The following ACSF3 variants were observed in gnomAD, a reference collection of about 807,000 sequenced individuals.
ACSF3 encodes malonate--CoA ligase ACSF3, mitochondrial.
A neutral mutation model predicts 53.2 loss-of-function variants in ACSF3; 78 were observed. That is an observed-to-expected ratio of 1.47 (90% CI 1.22 to 1.77). ACSF3 has a LOEUF of 1.77. ACSF3 is among the 40% of genes most tolerant of loss of function. The probability of loss-of-function intolerance (pLI) is 0.00; values close to 1 mark genes in which losing one functional copy is unlikely to be tolerated. For missense variants in ACSF3, 937 were observed against 771.1 expected (o/e 1.22, Z -2.55); for synonymous variants, 414 against 333.1 (o/e 1.24, Z -2.65).
intron 4 of ACSF3, among the ~76,000 whole-genome samples, chr16:89,108,049 A>G (rs1300677875): frequency 1.3e-5 from 2 of 152,190 alleles, no homozygotes; most frequent in Admixed American, 6.5e-5. Context: ...GGAAGAAGCA[A>G]AAGCGGAAAC....
intron 6 of ACSF3, 60 bp downstream of exon 6, chr16:89,114,547 G>A: frequency 6.2e-7 from 1 of 1,600,392 alleles, no homozygotes; most frequent in Non-Finnish European, 8.5e-7. Flanking sequence ...CCCCAAGGTG[G>A]GCCAGTCTCG....
chr16:89,130,756 A>C (rs370838232), intron 7 of ACSF3, among the ~76,000 whole-genome samples: 147 of 152,220 alleles, frequency 9.7e-4, no homozygotes, highest in African/African-American at 3.1e-3. Context: ...TTTAGTTTAT[A>C]GGCTTATGTT....
intron 10 of ACSF3, among the ~76,000 whole-genome samples, 178 bp downstream of exon 10, chr16:89,146,227 G>C (rs549715467): frequency 6.6e-6 from 1 of 152,326 alleles, no homozygotes; most frequent in East Asian, 1.9e-4. Flanking sequence ...GACGAGGGCA[G>C]GGGGCAGGAG....
At chr16:89,125,299 C>T (rs4782436) in intron 7 of ACSF3, among the ~76,000 whole-genome samples, 134,940 of 150,954 alleles carry the variant, frequency 0.89, 60,699 homozygotes, top group Admixed American at 0.93. Context: ...GCCGAGATCA[C>T]GCCACTGCAC....
chr16:89,143,195 GCCGTGCGTAGCTTTGGTGCAGTCTCAGCC>G (rs879506700), intron 8 of ACSF3, among the ~76,000 whole-genome samples: 143 of 152,314 alleles, frequency 9.4e-4, no homozygotes, highest in Non-Finnish European at 1.6e-3. Context: ...CATCCTCAGT[GCCGTGCGTAGCTTTGGTGCAGTCTCAGCC>G]CCGTGCGTAG....
chr16:89,124,599 T>C (rs559563171), intron 7 of ACSF3, among the ~76,000 whole-genome samples: 265 of 152,234 alleles, frequency 1.7e-3, no homozygotes, highest in African/African-American at 5.6e-3. Flanking sequence ...GTGATACCCA[T>C]GCATGCACTG....
intron 10 of ACSF3, chr16:89,150,021 A>G (rs993149509): frequency 2.0e-5 from 3 of 152,266 alleles, no homozygotes; most frequent in African/African-American, 4.8e-5. Flanking sequence ...TCCACAGGCT[A>G]TAAGGAAGCA....
intron 2 of ACSF3, 58 bp downstream of exon 2, chr16:89,098,821 T>G: frequency 2.2e-6 from 1 of 454,006 alleles, no homozygotes; most frequent in Non-Finnish European, 4.4e-6. Flanking sequence ...GTTGCCTTGT[T>G]TGTTTACTGA....
chr16:89,151,608 TATA>T (rs1307991534), intron 10 of ACSF3: 3 of 134,450 alleles, frequency 2.2e-5, no homozygotes, highest in Non-Finnish European at 3.0e-5. Flanking sequence ...TAATTCACCA[TATA>T]TTTTTTTTTT....
chr16:89,155,784 C>G lies in ACSF3; in HGVS notation c.*1577C>G. The stretch of plus-strand genomic sequence containing the variant: ...ACTAATTTTACATTTGCATCTCTCT[C>G]CTTTAATCCTGAAACTTTTGATTCC... On this transcript the variant is annotated 3_prime_UTR_variant, in exon 11 of 11. Transcript: ENST00000614302. 1 of 448,842 alleles carries G rather than the reference C, an allele frequency of 2.2e-6. No individual in the cohort carries two copies. The highest frequency in any genetic ancestry group is 1.6e-5 in the South Asian group (1 of 62,000). 27.8% of individuals were successfully genotyped at this position (448,842 alleles called of 1,614,324 possible).
chr16:89,108,237 A>C (rs1466682422), intron 4 of ACSF3, among the ~76,000 whole-genome samples: 2 of 152,296 alleles, frequency 1.3e-5, no homozygotes, highest in East Asian at 1.9e-4. Flanking sequence ...CCATATCAGG[A>C]GTCCTTAAAT....
At chr16:89,107,778 C>T (rs537446111) in intron 4 of ACSF3, among the ~76,000 whole-genome samples, 19 of 152,140 alleles carry the variant, frequency 1.2e-4, no homozygotes, top group Admixed American at 2.0e-4. Context: ...GTGGAAACTG[C>T]GGAAGAGTTC....
chr16:89,149,668 AG>A (rs1196533061), intron 10 of ACSF3: 1 of 152,214 alleles, frequency 6.6e-6, no homozygotes, highest in Non-Finnish European at 1.5e-5. Context: ...CTCAGCGGAG[AG>A]GGTATGCGAG....
rs939511671 is a variant in ACSF3, at chr16:89,136,426, G to A, written c.1366+3164G>A. The A allele has an allele frequency of 3.0e-6, 3 of 1,002,176 alleles. No individual in the cohort carries two copies. The African/African-American group carries it at 5.1e-5, about 17-fold the overall frequency. The allele number at this position is 1,002,176 out of a possible 1,614,324, so 62.1% of individuals were successfully genotyped here. On this transcript the variant is annotated intron_variant, in intron 8 of 10. Transcript: ENST00000614302. ...CTGGAAGCCGCATGTCTTTGTCACA[G>A]GCCATTAGCGATGCTGCTGCATAAT...
chr16:89,118,544 G>T (rs79190734), intron 6 of ACSF3, among the ~76,000 whole-genome samples: 2,356 of 132,582 alleles, frequency 0.018, 98 homozygotes, highest in East Asian at 0.13. Flanking sequence ...GCTGCTCAGT[G>T]CACTGTCCGT....
chr16:89,104,671 G>A (rs550939628), intron 4 of ACSF3, among the ~76,000 whole-genome samples: 100 of 152,282 alleles, frequency 6.6e-4, no homozygotes, highest in Non-Finnish European at 1.8e-4. Flanking sequence ...AGCCCCACAC[G>A]GTGGCTGGAG....
chr16:89,151,924 G>A (rs1914138711), intron 10 of ACSF3: 2 of 152,212 alleles, frequency 1.3e-5, no homozygotes, highest in African/African-American at 4.8e-5. Flanking sequence ...ACAGAATGAA[G>A]AAGAAAGATC....
chr16:89,096,470 C>T (rs559269536), intron 1 of ACSF3, among the ~76,000 whole-genome samples: 11 of 152,264 alleles, frequency 7.2e-5, no homozygotes, highest in African/African-American at 2.2e-4. Context: ...GGCTCTGATC[C>T]GATGACCGTG....
Position 89,124,521 on chromosome 16 carries a change from A to ATGTG in ACSF3, c.1239+3616_1239+3619dup, listed in dbSNP as rs530156001. On this transcript the variant is annotated intron_variant, in intron 7 of 10. Coordinates refer to ENST00000614302, the MANE Select transcript of ACSF3 (RefSeq NM_001243279.3). ...TGTTACCTGTGCACATGCTGCATGT[A>ATGTG]TGTGTGTGTGTTACCCATCTGCTCA... Among the ~76,000 whole-genome samples the ATGTG allele has an allele frequency of 7.1e-4, 107 of 151,206 alleles. 1 individual carries two copies. In the South Asian group the frequency reaches 0.022, roughly 30 times the overall value.
Sources: gnomAD v4.1 joint callset for allele counts (sites outside exome capture counted in the v4.1 genomes callset) on GRCh38, gnomAD v4.1.1 for gene constraint, MANE v1.5 for transcripts, NCBI Gene and HGNC (gene_info 2026-07-23, HGNC 2026-07-21) for gene names.